The following ARHGAP28 variants were observed in gnomAD, a reference collection of about 807,000 sequenced individuals.
The protein encoded by ARHGAP28 is Rho GTPase activating protein 28.
In ARHGAP28, 56 loss-of-function variants were observed where a neutral mutation model predicts 90.7. The ratio of observed to expected loss-of-function variants is 0.62; its 90% confidence interval spans 0.50 to 0.77. ARHGAP28 has a LOEUF of 0.77. ARHGAP28 is among the 30% of genes least tolerant of loss of function. The pLI, the probability that ARHGAP28 is intolerant of heterozygous loss-of-function variation, is 0.00. For missense variants in ARHGAP28, 869 were observed against 900.9 expected, an observed-to-expected ratio of 0.96 and a Z score of 0.45; for synonymous variants, 308 against 323.3, an observed-to-expected ratio of 0.95 and a Z score of 0.51.
At chr18:6,736,967 A>T (rs1424645478) in intron 1 of ARHGAP28, among the ~76,000 whole-genome samples, 1 of 152,156 alleles carries the variant, frequency 6.6e-6, no homozygotes, top group Non-Finnish European at 1.5e-5. Flanking sequence ...TAAACATTCT[A>T]ATTTGCATGT....
chr18:6,824,511 TG>T (rs2056647912), intron 1 of ARHGAP28, among the ~76,000 whole-genome samples: 1 of 152,086 alleles, frequency 6.6e-6, no homozygotes, highest in Non-Finnish European at 1.5e-5. Context: ...TACTCCAGCC[TG>T]GGCAACAGAG....
chr18:6,879,669 G>T (rs1027247003), intron 10 of ARHGAP28, among the ~76,000 whole-genome samples: 4 of 152,224 alleles, frequency 2.6e-5, no homozygotes, highest in East Asian at 1.9e-4. Context: ...CCGCATACGC[G>T]TGGGATTCCC....
At chr18:6,877,042 C>T (rs1023429150) in intron 10 of ARHGAP28, among the ~76,000 whole-genome samples, 7 of 152,294 alleles carry the variant, frequency 4.6e-5, no homozygotes, top group East Asian at 3.9e-4. Flanking sequence ...CCTGAGCAAA[C>T]AGTCTCAGGG....
chr18:6,816,527 G>C (rs74733174), intron 1 of ARHGAP28, among the ~76,000 whole-genome samples: 2,929 of 152,218 alleles, frequency 0.019, 92 homozygotes, highest in African/African-American at 0.067. Context: ...ACACTGTGCT[G>C]CCACCAGCAT....
intron 3 of ARHGAP28, among the ~76,000 whole-genome samples, chr18:6,845,058 T>C (rs1350573479): frequency 6.6e-6 from 1 of 152,122 alleles, no homozygotes; most frequent in Non-Finnish European, 1.5e-5. Flanking sequence ...ATTCCCACCA[T>C]AAGAAATATT....
chr18:6,882,769 T>A (rs1249990009), intron 11 of ARHGAP28, among the ~76,000 whole-genome samples: 1 of 152,240 alleles, frequency 6.6e-6, no homozygotes, highest in African/African-American at 2.4e-5. Context: ...CAATAAATAC[T>A]TCACAGAAGA....
At chr18:6,908,125 GTTTTATTTTATTTTA>G (rs55928161) in intron 16 of ARHGAP28, among the ~76,000 whole-genome samples, 12 of 149,374 alleles carry the variant, frequency 8.0e-5, no homozygotes, top group Admixed American at 4.0e-4. Context: ...ATTTTATTTT[GTTTTATTTTATTTTA>G]TTTTATTTTA....
chr18:6,751,097 G>A (rs149691577), intron 1 of ARHGAP28, among the ~76,000 whole-genome samples: 270 of 152,030 alleles, frequency 1.8e-3, no homozygotes, highest in Middle Eastern at 3.4e-3. Context: ...ACCTAGCAAC[G>A]TACCCTAGAA....
chr18:6,858,025 C>T (rs1266134714), intron 4 of ARHGAP28, among the ~76,000 whole-genome samples: 2 of 152,146 alleles, frequency 1.3e-5, no homozygotes, highest in Non-Finnish European at 2.9e-5. Context: ...AAGCTGATTT[C>T]ATTTCTTGTT....
chr18:6,729,880 C>T lies in ARHGAP28; in HGVS notation c.59C>T (p.Ala20Val). ...VLTAYHSYAR[A>V]QPPNAESRCA... ...ACCGCCTACCACTCGTACGCGCGCG[C>T]CCAGCCCCCCAACGCCGAGTCGCGC... is the stretch of plus-strand genomic sequence containing the variant. Residue 20 changes from alanine to valine, a missense_variant, in exon 1 of 18, where the codon GCC becomes GTC. By Grantham distance (64) the Ala-to-Val change is moderately conservative. Transcript: ENST00000383472. 1.4e-6 allele frequency: 2 copies of T among 1,433,782 alleles called. No individual in the cohort carries two copies. The highest frequency in any genetic ancestry group is 1.8e-6 in the Non-Finnish European group (2 of 1,096,364). 88.8% of individuals were successfully genotyped at this position (1,433,782 alleles called of 1,614,324 possible).
intron 1 of ARHGAP28, among the ~76,000 whole-genome samples, chr18:6,756,026 C>T (rs1194944302): frequency 2.6e-5 from 4 of 152,148 alleles, no homozygotes; most frequent in Non-Finnish European, 5.9e-5. Flanking sequence ...GTCCTTGGAG[C>T]CAGACTGTTG....
intron 3 of ARHGAP28, among the ~76,000 whole-genome samples, chr18:6,847,686 A>G (rs2056877199): frequency 6.6e-6 from 1 of 152,008 alleles, no homozygotes; most frequent in South Asian, 2.1e-4. Context: ...AAACACTTAT[A>G]TATGGTATTG....
At chr18:6,870,870 G>GATCTCA (rs1567976927) in intron 7 of ARHGAP28, 138 bp downstream of exon 7, 1 of 860,004 alleles carries the variant, frequency 1.2e-6, no homozygotes, top group Non-Finnish European at 1.7e-6. Context: ...GCGCGATCTC[G>GATCTCA]GCTCACTGCA....
intron 1 of ARHGAP28, among the ~76,000 whole-genome samples, chr18:6,771,666 C>A (rs1185274127): frequency 2.0e-5 from 3 of 152,188 alleles, no homozygotes; most frequent in African/African-American, 7.2e-5. Context: ...GTGACCTGAA[C>A]TGGATTCAAG....
intron 16 of ARHGAP28, among the ~76,000 whole-genome samples, chr18:6,904,122 A>G (rs1191208828): frequency 6.6e-6 from 1 of 152,172 alleles, no homozygotes; most frequent in East Asian, 1.9e-4. Context: ...GGCTGGACAC[A>G]GTGGCTCACG....
At chr18:6,895,564 C>T (rs1459740074) in intron 15 of ARHGAP28, among the ~76,000 whole-genome samples, 2 of 152,310 alleles carry the variant, frequency 1.3e-5, no homozygotes, top group East Asian at 1.9e-4. Flanking sequence ...TCACTTTTGG[C>T]GATGCCAGTA....
rs369705877 is a variant in ARHGAP28 at position 6,896,519 on chromosome 18, A to T, written c.1923A>T (p.Gly641=). 5 of 1,614,134 alleles carry T rather than the reference A, an allele frequency of 3.1e-6. No homozygotes were observed. The highest frequency in any genetic ancestry group is 4.2e-6 in the Non-Finnish European group (5 of 1,179,994). The change falls in exon 16 of 18, where the codon GGA becomes GGT. Residue 641 remains glycine (G), a synonymous_variant. Coordinates refer to ENST00000383472, the MANE Select transcript of ARHGAP28 (RefSeq NM_001366230.1). The part of the protein sequence containing the change: ...SARRMSDVPE[G]VIRVHAPLLS... Reference sequence around the variant, plus strand: ...CTTGGCAGTCTGACGTGCCGGAAGGAGTCATACGGGTCCATGCTCCACTTC... The same window carrying T: ...CTTGGCAGTCTGACGTGCCGGAAGGTGTCATACGGGTCCATGCTCCACTTC...
At chr18:6,807,749 G>A (rs757949431) in intron 1 of ARHGAP28, among the ~76,000 whole-genome samples, 3 of 152,148 alleles carry the variant, frequency 2.0e-5, no homozygotes, top group South Asian at 2.1e-4. Context: ...AAGGCTTGAC[G>A]GGGCTCCTCT....
intron 1 of ARHGAP28, among the ~76,000 whole-genome samples, chr18:6,803,464 T>C (rs1209437230): frequency 6.6e-6 from 1 of 152,126 alleles, no homozygotes; most frequent in African/African-American, 2.4e-5. Flanking sequence ...ATTTTTTATA[T>C]AGAGTAGATT....
Sources: gnomAD v4.1 joint callset for allele counts (sites outside exome capture counted in the v4.1 genomes callset) on GRCh38, gnomAD v4.1.1 for gene constraint, MANE v1.5 for transcripts, NCBI Gene and HGNC (gene_info 2026-07-23, HGNC 2026-07-21) for gene names.